SPOCK3: variants seen among roughly 807,000 people sequenced by gnomAD.
SPOCK3 encodes SPARC (osteonectin), cwcv and kazal like domains proteoglycan 3, also known as testican-3.
In SPOCK3, 30 loss-of-function variants were observed where a neutral mutation model predicts 56.6. The observed-to-expected ratio is 0.53, with a 90% CI of 0.40 to 0.72. The LOEUF (loss-of-function observed/expected upper bound fraction) is 0.72, where lower values mean the gene tolerates loss of function less well. SPOCK3 is among the 30% of genes least tolerant of loss of function. The probability of loss-of-function intolerance (pLI) is 0.00; values close to 1 mark genes in which losing one functional copy is unlikely to be tolerated. For missense variants in SPOCK3, 527 were observed against 530.0 expected, an observed-to-expected ratio of 0.99 and a Z score of 0.06; for synonymous variants, 196 against 183.3, an observed-to-expected ratio of 1.07 and a Z score of -0.56.
chr4:167,193,951 T>C (rs1732696634), intron 2 of SPOCK3, among the ~76,000 whole-genome samples: 1 of 152,214 alleles, frequency 6.6e-6, no homozygotes, highest in Non-Finnish European at 1.5e-5. Flanking sequence ...ATATGCTTTC[T>C]ACCACTTTCT....
rs1317789297 is a variant in SPOCK3, at chr4:166,748,238, C to G, written c.932-6179G>C. Among the ~76,000 whole-genome samples the G allele has an allele frequency of 1.5e-5, 2 of 137,366 alleles. 1 individual carries two copies. Among genetic ancestry groups the G allele is most frequent in the Non-Finnish European group, 3.1e-5 (2 of 64,762 alleles). The allele number at this position is 137,366 out of a possible 152,430, so 90.1% of individuals were successfully genotyped here. A position where few individuals can be genotyped will look rare whatever the true frequency, so the allele number is the denominator to read the frequency against. On this transcript the variant is annotated intron_variant, in intron 8 of 10. Coordinates refer to ENST00000357545, the MANE Select transcript of SPOCK3 (RefSeq NM_001040159.2). ...TCATGCTACCTGACTTCAAACTATACTACAAGGCTATGGTAACCAAAACAG... is the reference window on the plus strand; with the variant it reads ...TCATGCTACCTGACTTCAAACTATAGTACAAGGCTATGGTAACCAAAACAG...
intron 3 of SPOCK3, among the ~76,000 whole-genome samples, chr4:167,027,714 A>G (rs1751832195): frequency 6.6e-6 from 1 of 152,112 alleles, no homozygotes; most frequent in South Asian, 2.1e-4. Flanking sequence ...TAAGAAAATC[A>G]TAAGGAAGAG....
chr4:167,119,465 A>G (rs1761691925), intron 2 of SPOCK3, among the ~76,000 whole-genome samples: 1 of 152,174 alleles, frequency 6.6e-6, no homozygotes, highest in Non-Finnish European at 1.5e-5. Flanking sequence ...TCCCTTAAAA[A>G]TAAGTTCTGC....
chr4:167,059,969 A>G lies in SPOCK3; in HGVS notation c.235+2523T>C, dbSNP rs550607456. On this transcript the variant is annotated intron_variant, in intron 3 of 10. Coordinates refer to ENST00000357545, the MANE Select transcript of SPOCK3 (RefSeq NM_001040159.2). Reference sequence around the variant, plus strand: ...TTGAACAATGCGAACACATGGACACAGGAAGGGGAACATCTCACTCTGGGA... The same window carrying G: ...TTGAACAATGCGAACACATGGACACGGGAAGGGGAACATCTCACTCTGGGA... Among the ~76,000 whole-genome samples the G allele has an allele frequency of 6.8e-5, 10 of 147,406 alleles. No homozygotes were observed. In the South Asian group the frequency reaches 2.2e-3, roughly 33 times the overall value.
At chr4:166,926,639 G>C (rs193127033) in intron 4 of SPOCK3, among the ~76,000 whole-genome samples, 1 of 152,198 alleles carries the variant, frequency 6.6e-6, no homozygotes, top group East Asian at 1.9e-4. Context: ...CAGCTGGTAG[G>C]AGATGCTTTA....
At chr4:166,826,624 G>A (rs925163837) in intron 6 of SPOCK3, among the ~76,000 whole-genome samples, 10 of 152,150 alleles carry the variant, frequency 6.6e-5, no homozygotes, top group East Asian at 5.8e-4. Flanking sequence ...CAAAGAGCAC[G>A]TATAATTTTA....
chr4:166,954,690 C>T (rs752634953), intron 4 of SPOCK3, among the ~76,000 whole-genome samples: 2 of 152,132 alleles, frequency 1.3e-5, no homozygotes, highest in Non-Finnish European at 2.9e-5. Context: ...ATATACCCAC[C>T]TTAAAAGGTA....
intron 4 of SPOCK3, among the ~76,000 whole-genome samples, chr4:166,953,588 T>C (rs559795165): frequency 3.9e-5 from 6 of 152,270 alleles, no homozygotes; most frequent in Non-Finnish European, 5.9e-5. Flanking sequence ...TTACTGGGTA[T>C]ATACCCAAAG....
At chr4:167,035,350 C>A (rs1225549286) in intron 3 of SPOCK3, among the ~76,000 whole-genome samples, 12 of 149,732 alleles carry the variant, frequency 8.0e-5, no homozygotes, top group African/African-American at 2.7e-4. Flanking sequence ...GAGTGAAGGA[C>A]AATACAGAAA....
intron 3 of SPOCK3, among the ~76,000 whole-genome samples, chr4:167,015,487 CTTCT>C (rs1256473786): frequency 3.9e-5 from 6 of 152,088 alleles, no homozygotes; most frequent in Admixed American, 2.0e-4. Context: ...CAAATAATTT[CTTCT>C]TTCAGAAGAT....
At chr4:167,128,682 G>A (rs1032862501) in intron 2 of SPOCK3, among the ~76,000 whole-genome samples, 11 of 152,172 alleles carry the variant, frequency 7.2e-5, no homozygotes, top group African/African-American at 1.7e-4. Context: ...CAACATTTTC[G>A]TGATACCTGC....
At chr4:167,083,043 T>C (rs1757864728) in intron 2 of SPOCK3, among the ~76,000 whole-genome samples, 1 of 152,030 alleles carries the variant, frequency 6.6e-6, no homozygotes, top group South Asian at 2.1e-4. Context: ...TTAAAGAACA[T>C]TCATTTCAGA....
intron 6 of SPOCK3, among the ~76,000 whole-genome samples, chr4:166,815,387 A>T (rs1375116522): frequency 6.6e-6 from 1 of 152,100 alleles, no homozygotes; most frequent in African/African-American, 2.4e-5. Flanking sequence ...GTAGTGGAAA[A>T]CTATACATTT....
At chr4:167,212,092 G>A (rs1267327614) in intron 2 of SPOCK3, among the ~76,000 whole-genome samples, 1 of 152,012 alleles carries the variant, frequency 6.6e-6, no homozygotes, top group Admixed American at 6.6e-5. Flanking sequence ...ACAATACAGG[G>A]TTGTTATTAA....
chr4:167,232,720 G>A (rs952275350), intron 2 of SPOCK3, among the ~76,000 whole-genome samples: 1 of 152,196 alleles, frequency 6.6e-6, no homozygotes, highest in South Asian at 2.1e-4. Context: ...TGTTCATGAA[G>A]TATGTAGGCA....
At chr4:166,825,111 C>T (rs950656625) in intron 6 of SPOCK3, among the ~76,000 whole-genome samples, 1 of 151,818 alleles carries the variant, frequency 6.6e-6, no homozygotes, top group African/African-American at 2.4e-5. Context: ...ATATATATGA[C>T]CCATGGAAAT....
At chr4:166,931,030 G>C (rs1423896833) in intron 4 of SPOCK3, among the ~76,000 whole-genome samples, 1 of 151,940 alleles carries the variant, frequency 6.6e-6, no homozygotes, top group Non-Finnish European at 1.5e-5. Flanking sequence ...TCGCCAAGCT[G>C]GAGTGCAGTG....
chr4:166,784,713 T>C (rs1321497623), intron 7 of SPOCK3, among the ~76,000 whole-genome samples: 2 of 152,116 alleles, frequency 1.3e-5, no homozygotes, highest in African/African-American at 4.8e-5. Flanking sequence ...CAGCATGACA[T>C]AAAGTGAGCA....
At chr4:166,919,254 T>C (rs1196655221) in intron 4 of SPOCK3, among the ~76,000 whole-genome samples, 1 of 152,236 alleles carries the variant, frequency 6.6e-6, no homozygotes, top group Non-Finnish European at 1.5e-5. Context: ...ATCAGTGATT[T>C]AAAGTACATG....
Sources: gnomAD v4.1 joint callset for allele counts (sites outside exome capture counted in the v4.1 genomes callset) on GRCh38, gnomAD v4.1.1 for gene constraint, MANE v1.5 for transcripts, NCBI Gene and HGNC (gene_info 2026-07-23, HGNC 2026-07-21) for gene names.